Variants in ZNF79 observed in about 807,000 individuals in gnomAD.
ZNF79 encodes the protein zinc finger protein 79, also known as ZNFpT7.
A neutral mutation model predicts 14.9 loss-of-function variants in ZNF79; 13 were observed. The ratio of observed to expected loss-of-function variants is 0.87; its 90% CI spans 0.57 to 1.38. The LOEUF (loss-of-function observed/expected upper bound fraction) is 1.38. ZNF79 is among the 40% of genes most tolerant of loss of function. The pLI is 0.00. For synonymous variants in ZNF79, 223 were observed against 235.1 expected (o/e 0.95, Z 0.47); for missense variants, 631 against 630.6 (o/e 1.00, Z -0.01).
chr9:127,443,575 A>C (rs1834088927), intron 4 of ZNF79, among the ~76,000 whole-genome samples: 1 of 152,070 alleles, frequency 6.6e-6, no homozygotes, highest in Non-Finnish European at 1.5e-5. Flanking sequence ...GATGGCTTTG[A>C]ATTCAGTAGG....
chr9:127,435,007 C>G, intron 2 of ZNF79, 83 bp from the exon 3 acceptor site: 1 of 1,458,032 alleles, frequency 6.9e-7, no homozygotes, highest in Non-Finnish European at 9.2e-7. Context: ...TTTTCCAGCT[C>G]CCCCAAAACT....
intron 4 of ZNF79, among the ~76,000 whole-genome samples, chr9:127,441,836 T>C (rs1363692856): frequency 6.6e-6 from 1 of 151,940 alleles, no homozygotes; most frequent in African/African-American, 2.4e-5. Context: ...TCCCAGCTAC[T>C]TGGGAGGCTG....
rs1834101083 is a variant in ZNF79, at chr9:127,444,040, A to G, written c.340A>G (p.Ile114Val). ...CATTTTTTTTTCAGGCTGGAAGATT[A>G]TATCTGGATCACCACCAGAGCAAGC... Reference protein sequence around the residue: ...LRSPSPGWKIISGSPPEQALS... With the variant: ...LRSPSPGWKIVSGSPPEQALS... Residue 114 changes from isoleucine (I) to valine (V), a missense_variant, in exon 5 of 5, where the codon ATA becomes GTA. Transcript: ENST00000342483. The G allele has an allele frequency of 6.3e-7, 1 of 1,585,654 alleles. No individual in the cohort carries two copies. Among genetic ancestry groups the G allele is most frequent in the African/African-American group, 1.4e-5 (1 of 73,300 alleles).
chr9:127,440,977 G>A (rs1273806927), intron 4 of ZNF79, among the ~76,000 whole-genome samples: 1 of 152,164 alleles, frequency 6.6e-6, no homozygotes, highest in African/African-American at 2.4e-5. Context: ...TCTTCTACTG[G>A]AGCCAGCACT....
chr9:127,444,033 G>T lies in ZNF79; in HGVS notation c.333G>T (p.Trp111Cys). 6.4e-7 allele frequency: 1 copy of T among 1,570,370 alleles called. No individual in the cohort carries two copies. Reference sequence around the variant, plus strand: ...AGCTTTTCATTTTTTTTTCAGGCTGGAAGATTATATCTGGATCACCACCAG... The same window carrying T: ...AGCTTTTCATTTTTTTTTCAGGCTGTAAGATTATATCTGGATCACCACCAG... The part of the protein sequence containing the change: ...GEDLRSPSPG[W>C]KIISGSPPEQ... The change falls in exon 5 of 5, where the codon TGG (tryptophan) becomes TGT (cysteine). Residue 111 changes from tryptophan to cysteine, a missense_variant. Coordinates refer to ENST00000342483, the MANE Select transcript of ZNF79 (RefSeq NM_007135.3).
intron 2 of ZNF79, among the ~76,000 whole-genome samples, chr9:127,429,332 T>A (rs1468416432): frequency 2.6e-5 from 4 of 151,726 alleles, no homozygotes; most frequent in Admixed American, 6.6e-5. Flanking sequence ...ATTATTTTTT[T>A]TTTTTTGAGA....
At chr9:127,427,933 C>T (rs969105862) in intron 1 of ZNF79, among the ~76,000 whole-genome samples, 2 of 152,210 alleles carry the variant, frequency 1.3e-5, no homozygotes, top group Admixed American at 6.5e-5. Flanking sequence ...GAAATCATTG[C>T]CTAATCCAAC....
intron 4 of ZNF79, among the ~76,000 whole-genome samples, chr9:127,438,712 C>T (rs555243211): frequency 2.6e-5 from 4 of 152,244 alleles, no homozygotes; most frequent in East Asian, 3.9e-4. Context: ...GTAAGGCCCA[C>T]AATCACATTA....
At chr9:127,430,998 T>A (rs528850895) in intron 2 of ZNF79, among the ~76,000 whole-genome samples, 20 of 152,348 alleles carry the variant, frequency 1.3e-4, no homozygotes, top group African/African-American at 4.8e-4. Flanking sequence ...GAATATCTCG[T>A]CATGGTTTTG....
chr9:127,426,991 GGTGTGAT>G (rs61502079), intron 1 of ZNF79, among the ~76,000 whole-genome samples: 7,193 of 152,134 alleles, frequency 0.047, 221 homozygotes, highest in Non-Finnish European at 0.069. Flanking sequence ...CATGTTAGTA[GGTGTGAT>G]GTGTTCTCTC....
At chr9:127,431,212 A>G (rs1390569780) in intron 2 of ZNF79, among the ~76,000 whole-genome samples, 1 of 146,396 alleles carries the variant, frequency 6.8e-6, no homozygotes, top group Admixed American at 6.8e-5. Context: ...ATCTTTTCCT[A>G]TTCTGTCAGT....
At chr9:127,443,900 CAAAAAAA>C (rs34006666) in intron 4 of ZNF79, 122 bp from the exon 5 acceptor site, 174 of 350,728 alleles carry the variant, frequency 5.0e-4, no homozygotes, top group Non-Finnish European at 6.6e-4. Context: ...GACTCCGTCT[CAAAAAAA>C]AAAAAAAAAA....
At position 127,424,898 on chromosome 9, in the gene ZNF79, A is replaced by C. The variant is rs1588064860; in HGVS notation, c.16+95A>C. ...TGTGAGCCGAATCAGAACTCTCTTT[A>C]TCTCTCCTACAGGTAGTTGGAGACA... On this transcript the variant is annotated intron_variant, in intron 1 of 4. Transcript: ENST00000342483. The C allele has an allele frequency of 8.2e-6, 13 of 1,585,284 alleles. No individual in the cohort carries two copies. The South Asian group carries it at 1.1e-4, about 14-fold the overall frequency.
In ZNF79 at chr9:127,424,651, T is replaced by A; in HGVS notation, c.-137T>A. The A allele has an allele frequency of 7.2e-7, 1 of 1,383,552 alleles. No homozygotes were observed. Among genetic ancestry groups the A allele is most frequent in the Non-Finnish European group, 1.0e-6 (1 of 995,568 alleles). The allele number at this position is 1,383,552 out of a possible 1,614,324, so 85.7% of individuals were successfully genotyped here. On this transcript the variant is annotated 5_prime_UTR_variant, in exon 1 of 5. Coordinates refer to ENST00000342483, the MANE Select transcript of ZNF79 (RefSeq NM_007135.3). ...GCACCGCAGGATCAGACCGTGCCTC[T>A]GCGGGGAGAGGCTGGAGAGGAAGAG...
chr9:127,444,462 T>G lies in ZNF79; in HGVS notation c.762T>G (p.Cys254Trp). The G allele has an allele frequency of 1.2e-6, 2 of 1,610,172 alleles. No individual in the cohort carries two copies. The highest frequency in any genetic ancestry group is 1.7e-6 in the Non-Finnish European group (2 of 1,176,936). ...AGAAGCCTTACAAGTGCAGTGAATGTGGAAGAGCCTTCAGCCAGAACGCCA... is the reference window on the plus strand; with the variant it reads ...AGAAGCCTTACAAGTGCAGTGAATGGGGAAGAGCCTTCAGCCAGAACGCCA... ...TGEKPYKCSE[C>W]GRAFSQNANL... The change falls in exon 5 of 5, where the codon TGT becomes TGG. Residue 254 changes from cysteine (C) to tryptophan (W), a missense_variant. Coordinates refer to ENST00000342483, the MANE Select transcript of ZNF79 (RefSeq NM_007135.3).
chr9:127,435,223 A>C lies in ZNF79; in HGVS notation c.232+7A>C. The C allele has an allele frequency of 6.3e-7, 1 of 1,580,620 alleles. No individual in the cohort carries two copies. Among genetic ancestry groups the C allele is most frequent in the Non-Finnish European group, 8.6e-7 (1 of 1,169,428 alleles). The stretch of plus-strand genomic sequence containing the variant: ...AGGAGCCTTGTCCTACTAGGTAAGG[A>C]AACTGTTTCTTTAAGATTTAGAATC... On this transcript the variant is annotated splice_region_variant and intron_variant, in intron 3 of 4. Coordinates refer to ENST00000342483, the MANE Select transcript of ZNF79 (RefSeq NM_007135.3).
At chr9:127,435,011 C>CA in intron 2 of ZNF79, 79 bp from the exon 3 acceptor site, 1 of 1,477,166 alleles carries the variant, frequency 6.8e-7, no homozygotes, top group Non-Finnish European at 9.0e-7. Flanking sequence ...CCAGCTCCCC[C>CA]AAAACTGCCA....
chr9:127,437,439 G>A (rs1029143653), intron 4 of ZNF79, among the ~76,000 whole-genome samples: 3 of 152,018 alleles, frequency 2.0e-5, no homozygotes, highest in African/African-American at 7.2e-5. Flanking sequence ...GTTTAGTGGC[G>A]AGGGGAACAA....
intron 1 of ZNF79, among the ~76,000 whole-genome samples, chr9:127,426,888 C>T (rs563570640): frequency 3.3e-5 from 5 of 152,246 alleles, no homozygotes; most frequent in East Asian, 1.9e-4. Context: ...TCCACTGTGG[C>T]GGCATCATTT....
Sources: gnomAD v4.1 joint callset for allele counts (sites outside exome capture counted in the v4.1 genomes callset) on GRCh38, gnomAD v4.1.1 for gene constraint, MANE v1.5 for transcripts, NCBI Gene and HGNC (gene_info 2026-07-23, HGNC 2026-07-21) for gene names.